Variants in IL31RA observed in about 807,000 individuals in gnomAD.
IL31RA encodes the protein interleukin-31 receptor subunit alpha.
A neutral mutation model predicts 83.7 loss-of-function variants in IL31RA; 66 were observed. The observed-to-expected ratio is 0.79, with a 90% CI of 0.65 to 0.97. The LOEUF (loss-of-function observed/expected upper bound fraction) is 0.97, where lower values mean the gene tolerates loss of function less well. Among genes scored for constraint, IL31RA ranks in the 50% least tolerant of loss-of-function variants. IL31RA has a pLI of 0.00. For synonymous variants in IL31RA, 325 were observed against 329.0 expected, an observed-to-expected ratio of 0.99 and a Z score of 0.13; for missense variants, 798 against 919.4, an observed-to-expected ratio of 0.87 and a Z score of 1.71.
chr5:55,847,803 T>G (rs1343194925), upstream of IL31RA, among the ~76,000 whole-genome samples: 1 of 152,226 alleles, frequency 6.6e-6, no homozygotes, highest in Non-Finnish European at 1.5e-5. Flanking sequence ...AGCTACCATA[T>G]TACATTGAGT....
intron 7 of IL31RA, among the ~76,000 whole-genome samples, chr5:55,899,696 A>G (rs1172587389): frequency 6.6e-6 from 1 of 152,154 alleles, no homozygotes; most frequent in African/African-American, 2.4e-5. Context: ...GTTTAGCCTC[A>G]TGGAATTAGA....
chr5:55,866,687 C>T (rs868672170), intron 2 of IL31RA: 1 of 152,592 alleles, frequency 6.6e-6, no homozygotes, highest in East Asian at 1.9e-4. Context: ...CAACCTCCCC[C>T]GGACTTGCTG....
In IL31RA at chr5:55,868,907, T is replaced by A; in HGVS notation, c.271T>A (p.Tyr91Asn). 1 of 1,447,748 alleles carries A rather than the reference T, an allele frequency of 6.9e-7. No individual in the cohort carries two copies. Among genetic ancestry groups the A allele is most frequent in the East Asian group, 2.3e-5 (1 of 44,106 alleles). The allele number at this position is 1,447,748 out of a possible 1,614,324, so 89.7% of individuals were successfully genotyped here. A position where few individuals can be genotyped will look rare whatever the true frequency, so the allele number is the denominator to read the frequency against. Residue 91 changes from tyrosine (Y) to asparagine (N), a missense_variant and splice_region_variant, in exon 3 of 15, where the codon TAC (tyrosine) becomes AAC (asparagine). By Grantham distance (143) the Tyr-to-Asn change is moderately radical. Coordinates refer to ENST00000652347, the MANE Select transcript of IL31RA (RefSeq NM_139017.7). The part of the protein sequence containing the change: ...SYTQYTVKRT[Y>N]AFGEKHDNCT... ...TACCCAGTACACAGTTAAGAGAACT[T>A]AGTAAGTACAGGAGCTTGTGTTTTA... is the stretch of plus-strand genomic sequence containing the variant.
At chr5:55,915,553 T>A in intron 14 of IL31RA, among the ~76,000 whole-genome samples, 1 of 152,232 alleles carries the variant, frequency 6.6e-6, no homozygotes, top group East Asian at 1.9e-4. Flanking sequence ...CAATCAAATA[T>A]AACCTTTAAA....
intron 2 of IL31RA, among the ~76,000 whole-genome samples, chr5:55,867,157 TTG>T (rs563106139): frequency 0.021 from 1,155 of 55,088 alleles, 42 homozygotes; most frequent in African/African-American, 0.057. Flanking sequence ...GCATGTGTGT[TTG>T]TGTGTGTGCA....
intron 2 of IL31RA, among the ~76,000 whole-genome samples, chr5:55,867,348 CA>C (rs1746251978): frequency 6.7e-6 from 1 of 150,286 alleles, no homozygotes; most frequent in East Asian, 2.0e-4. Flanking sequence ...TGTTTAGGAT[CA>C]ACCCCTTGGT....
chr5:55,910,580 A>C lies in IL31RA; in HGVS notation c.1550A>C (p.Lys517Thr). Residue 517 changes from lysine (K) to threonine (T), a missense_variant, in exon 12 of 15, where the codon AAA becomes ACA. Coordinates refer to ENST00000652347, the MANE Select transcript of IL31RA (RefSeq NM_139017.7). ...TTGCAGTACGGCCTGGAGTCCCTGA[A>C]ACGAAAGACCTCTTACATTGTTCAG... ...SILQYGLESL[K>T]RKTSYIVQVM... The C allele has an allele frequency of 1.2e-6, 2 of 1,614,200 alleles. No homozygotes were observed. Among genetic ancestry groups the C allele is most frequent in the Non-Finnish European group, 1.7e-6 (2 of 1,180,034 alleles).
intron 12 of IL31RA, among the ~76,000 whole-genome samples, chr5:55,911,406 C>T (rs1749493884): frequency 6.6e-6 from 1 of 152,178 alleles, no homozygotes; most frequent in Non-Finnish European, 1.5e-5. Context: ...AACCATATCA[C>T]TGTACAACAG....
chr5:55,885,159 A>G lies in IL31RA; in HGVS notation c.606+1964A>G, dbSNP rs560822656. ...ATCATCATTCAGCCTACTTTTTTTT[A>G]TCTTGTCCAGGAGGCTATCATGCGA... On this transcript the variant is annotated intron_variant, in intron 5 of 14. Transcript: ENST00000652347. Among the ~76,000 whole-genome samples the G allele has an allele frequency of 1.0e-3, 157 of 152,116 alleles. 3 individuals are homozygous for G. Among genetic ancestry groups the G allele is most frequent in the South Asian group, 5.2e-3 (25 of 4,818 alleles).
At chr5:55,843,361 G>T in the IL31RA span, among the ~76,000 whole-genome samples, 1 of 152,118 alleles carries the variant, frequency 6.6e-6, no homozygotes, top group African/African-American at 2.4e-5. Context: ...AGTACTTTAG[G>T]AGGAAGTAGT....
At chr5:55,867,161 G>GCA (rs1365350348) in intron 2 of IL31RA, among the ~76,000 whole-genome samples, 1 of 75,656 alleles carries the variant, frequency 1.3e-5, no homozygotes. Flanking sequence ...GTGTGTTTGT[G>GCA]TGTGTGCATG....
intron 2 of IL31RA, among the ~76,000 whole-genome samples, chr5:55,860,898 T>C (rs1172096091): frequency 6.6e-6 from 1 of 152,146 alleles, no homozygotes; most frequent in Non-Finnish European, 1.5e-5. Flanking sequence ...AGTGTCAAGG[T>C]GGCAGCAGGG....
intron 11 of IL31RA, chr5:55,909,009 C>T: frequency 7.4e-6 from 4 of 543,282 alleles, no homozygotes; most frequent in Non-Finnish European, 9.8e-6. Flanking sequence ...TATTTCTGCC[C>T]AAATAGAAGC....
At chr5:55,849,460 T>C (rs986525917), upstream of IL31RA, among the ~76,000 whole-genome samples, 8 of 152,228 alleles carry the variant, frequency 5.3e-5, no homozygotes, top group African/African-American at 1.9e-4. Flanking sequence ...TGTGACTCTA[T>C]AGTTATTCAT....
chr5:55,890,497 G>A (rs952967021), intron 6 of IL31RA, among the ~76,000 whole-genome samples: 1 of 152,118 alleles, frequency 6.6e-6, no homozygotes, highest in Non-Finnish European at 1.5e-5. Context: ...AGCCTCCCAA[G>A]TAGCTGGGAT....
intron 2 of IL31RA, among the ~76,000 whole-genome samples, chr5:55,860,396 G>GTCTC (rs1452845169): frequency 6.6e-6 from 1 of 151,330 alleles, no homozygotes; most frequent in Admixed American, 6.6e-5. Flanking sequence ...TGTGAATGTG[G>GTCTC]TCTCTCTCTC....
At chr5:55,876,578 T>G (rs1746867132) in intron 4 of IL31RA, among the ~76,000 whole-genome samples, 1 of 152,224 alleles carries the variant, frequency 6.6e-6, no homozygotes, top group Admixed American at 6.5e-5. Context: ...TAGCTATGTT[T>G]GATATGCATC....
At position 55,908,387 on chromosome 5, in the gene IL31RA, C is replaced by T; in HGVS notation, c.1477C>T (p.Gln493Ter). 1 of 1,614,120 alleles carries T rather than the reference C, an allele frequency of 6.2e-7. No homozygotes were observed. ...CATCTGCAACTACACCATCTTTTAC[C>T]AAGCTGAAGGTGGAAAAGGATTCTG... ...GIICNYTIFY[Q>*]AEGGKGFSKT... The change falls in exon 11 of 15, where the codon CAA becomes TAA. Residue 493 changes from glutamine (Q) to a stop codon, truncating the protein, a stop_gained. Transcript: ENST00000652347. LOFTEE classifies it high-confidence loss of function.
rs79003639 is a variant in IL31RA, at chr5:55,901,399, C to T, written c.1069+1267C>T. On this transcript the variant is annotated intron_variant, in intron 8 of 14. Transcript: ENST00000652347. ...CATGGGCTTTGGAGTCCAGCAGCCC[C>T]GGGTTCAAATCTTTGCTCTTCCACA... Among the ~76,000 whole-genome samples the T allele has an allele frequency of 5.9e-3, 898 of 152,108 alleles. 14 individuals carry two copies. Among genetic ancestry groups the T allele is most frequent in the African/African-American group, 0.02 (844 of 41,484 alleles).
Sources: allele counts gnomAD v4.1 joint callset (sites outside exome capture counted in the v4.1 genomes callset), GRCh38; gene constraint gnomAD v4.1.1; transcripts MANE v1.5; gene names NCBI Gene and HGNC (gene_info 2026-07-23, HGNC 2026-07-21).